The following RPH3A variants were observed in gnomAD, a reference collection of about 807,000 sequenced individuals.
The protein encoded by RPH3A is rabphilin 3A.
RPH3A carries 48 observed loss-of-function variants against 102.2 expected under a neutral mutation model. The ratio of observed to expected loss-of-function variants is 0.47; its 90% confidence interval spans 0.37 to 0.60. The LOEUF (loss-of-function observed/expected upper bound fraction) is 0.60, where lower values mean the gene tolerates loss of function less well. Ranked by LOEUF, RPH3A falls within the 20% of genes least tolerant of loss-of-function variation. The pLI, the probability that RPH3A is intolerant of heterozygous loss-of-function variation, is 0.00. For synonymous variants in RPH3A, 310 were observed against 324.3 expected (o/e 0.96, Z 0.47); for missense variants, 781 against 910.1 (o/e 0.86, Z 1.83).
intron 1 of RPH3A, among the ~76,000 whole-genome samples, chr12:112,734,512 C>T (rs2040655118): frequency 6.6e-6 from 1 of 152,168 alleles, no homozygotes; most frequent in South Asian, 2.1e-4. Context: ...GTTCTTGGAT[C>T]TTGCTTAAGA....
At chr12:112,879,475 C>T (rs1029300298) in intron 14 of RPH3A, among the ~76,000 whole-genome samples, 3 of 152,212 alleles carry the variant, frequency 2.0e-5, no homozygotes, top group Non-Finnish European at 2.9e-5. Context: ...TCTGCCTGGG[C>T]CAGCAGTGTC....
chr12:112,643,941 T>C (rs1213239389), intron 1 of RPH3A, among the ~76,000 whole-genome samples: 1 of 152,194 alleles, frequency 6.6e-6, no homozygotes, highest in Non-Finnish European at 1.5e-5. Context: ...ATGTAGTATA[T>C]ATACCATGGA....
At chr12:112,590,554 T>C (rs528413893) in intron 1 of RPH3A, among the ~76,000 whole-genome samples, 2 of 152,332 alleles carry the variant, frequency 1.3e-5, no homozygotes, top group South Asian at 2.1e-4. Context: ...AAATGGCTCA[T>C]GGGGTGACTC....
At chr12:112,887,664 A>T in intron 16 of RPH3A, 133 bp from the exon 17 acceptor site, 1 of 1,018,946 alleles carries the variant, frequency 9.8e-7, no homozygotes, top group Non-Finnish European at 1.4e-6. Context: ...GTCCAGTGAT[A>T]AATAAACAGG....
chr12:112,757,325 C>T (rs1270695069), intron 1 of RPH3A, among the ~76,000 whole-genome samples: 3 of 152,158 alleles, frequency 2.0e-5, no homozygotes, highest in African/African-American at 7.2e-5. Flanking sequence ...TAACAAGGTC[C>T]AAGTTAGTAG....
At chr12:112,594,393 C>T (rs1456640231) in intron 1 of RPH3A, among the ~76,000 whole-genome samples, 5 of 152,134 alleles carry the variant, frequency 3.3e-5, no homozygotes, top group Admixed American at 3.3e-4. Flanking sequence ...CTCATTCCAC[C>T]CACATACCCA....
chr12:112,807,758 C>T (rs953962533), intron 2 of RPH3A, among the ~76,000 whole-genome samples: 1 of 152,006 alleles, frequency 6.6e-6, no homozygotes, highest in Non-Finnish European at 1.5e-5. Context: ...TCCTTTGCAC[C>T]TTCTGTCCAC....
At chr12:112,610,940 A>G (rs893726992) in intron 1 of RPH3A, among the ~76,000 whole-genome samples, 1 of 152,138 alleles carries the variant, frequency 6.6e-6, no homozygotes, top group Non-Finnish European at 1.5e-5. Flanking sequence ...CCACCTGTCT[A>G]AAGTTATTTT....
chr12:112,776,992 G>A (rs1447917770), intron 1 of RPH3A, among the ~76,000 whole-genome samples: 1 of 151,190 alleles, frequency 6.6e-6, no homozygotes, highest in Non-Finnish European at 1.5e-5. Context: ...AGTTCAAAGG[G>A]TGGAGAAGTT....
At chr12:112,635,933 A>G (rs1270796985) in intron 1 of RPH3A, among the ~76,000 whole-genome samples, 1 of 152,246 alleles carries the variant, frequency 6.6e-6, no homozygotes, top group Non-Finnish European at 1.5e-5. Context: ...AAAATCTGCC[A>G]GAAGAATGAG....
At chr12:112,786,051 C>T (rs534130158) in intron 1 of RPH3A, among the ~76,000 whole-genome samples, 1 of 152,238 alleles carries the variant, frequency 6.6e-6, no homozygotes, top group East Asian at 1.9e-4. Flanking sequence ...CATTTTATAG[C>T]TGAGGAGACT....
At position 112,580,394 on chromosome 12, in the gene RPH3A, CTT is replaced by C. The variant is rs773931202; in HGVS notation, c.-140+5099_-140+5100del. ...GACTTAGCAGACACTTTTGTCTTGT[CTT>C]TTTTTTTTTTTTTTTTTTTTTTTCT... On this transcript the variant is annotated intron_variant, in intron 1 of 21. Transcript: ENST00000543106. 8.9e-3 allele frequency among the ~76,000 whole-genome samples: 687 copies of C among 76,896 alleles called. 2 individuals carry two copies. The highest frequency in any genetic ancestry group is 0.032 in the African/African-American group (602 of 18,930). 50.4% of individuals were successfully genotyped at this position (76,896 alleles called of 152,430 possible).
At chr12:112,782,364 A>G (rs1250687580) in intron 1 of RPH3A, among the ~76,000 whole-genome samples, 2 of 152,254 alleles carry the variant, frequency 1.3e-5, no homozygotes, top group Non-Finnish European at 2.9e-5. Flanking sequence ...ATTTGTTGTT[A>G]TCATCCTTCA....
At chr12:112,833,144 G>A (rs1319812685) in intron 3 of RPH3A, among the ~76,000 whole-genome samples, 1 of 152,076 alleles carries the variant, frequency 6.6e-6, no homozygotes, top group African/African-American at 2.4e-5. Flanking sequence ...CCAAAGTGCT[G>A]GGATTACAGG....
intron 1 of RPH3A, among the ~76,000 whole-genome samples, chr12:112,766,688 G>A (rs2040891556): frequency 6.6e-6 from 1 of 152,164 alleles, no homozygotes; most frequent in African/African-American, 2.4e-5. Context: ...GTCAGTCATG[G>A]TTTAAGGGAA....
At chr12:112,881,918 A>G (rs1166854568) in intron 15 of RPH3A, 72 bp downstream of exon 15, 43 of 1,266,206 alleles carry the variant, frequency 3.4e-5, no homozygotes, top group Non-Finnish European at 4.7e-5. Flanking sequence ...TTCTCAGCTC[A>G]GAGCCCAAAA....
In RPH3A at chr12:112,604,230, G is replaced by T. The variant is rs931762642; in HGVS notation, c.-140+28911G>T. 2.0e-5 allele frequency among the ~76,000 whole-genome samples: 3 copies of T among 152,280 alleles called. No individual in the cohort carries two copies. In the South Asian group the frequency reaches 6.2e-4, roughly 32 times the overall value. On this transcript the variant is annotated intron_variant, in intron 1 of 21. Transcript: ENST00000543106. ...TGTGTGCTTATCAATTTGCTAGTGT[G>T]TTGCTATAACTTTTCAATTTTACTG...
At chr12:112,666,072 C>T (rs757916675) in intron 1 of RPH3A, among the ~76,000 whole-genome samples, 4 of 152,200 alleles carry the variant, frequency 2.6e-5, no homozygotes, top group Non-Finnish European at 2.9e-5. Flanking sequence ...TTGCTACTTA[C>T]TCGACACATG....
chr12:112,870,189 A>T, intron 10 of RPH3A, 150 bp downstream of exon 10: 10 of 769,800 alleles, frequency 1.3e-5, no homozygotes, highest in Non-Finnish European at 1.9e-5. Flanking sequence ...GTTTTAGTCT[A>T]TGGTAGAGGA....
Sources: gnomAD v4.1 joint callset for allele counts (sites outside exome capture counted in the v4.1 genomes callset) on GRCh38, gnomAD v4.1.1 for gene constraint, MANE v1.5 for transcripts, NCBI Gene and HGNC (gene_info 2026-07-23, HGNC 2026-07-21) for gene names.